The following KDM2A variants were observed in gnomAD, a reference collection of about 807,000 sequenced individuals.
KDM2A encodes the protein lysine demethylase 2A.
KDM2A carries 3 observed loss-of-function variants against 137.3 expected under a neutral mutation model. That is an observed-to-expected ratio of 0.02 (90% CI 0.01 to 0.06). The LOEUF (loss-of-function observed/expected upper bound fraction) is 0.06. Ranked by LOEUF, KDM2A falls within the 10% of genes least tolerant of loss-of-function variation. The pLI is 1.00. For synonymous variants in KDM2A, 512 were observed against 541.5 expected (o/e 0.95, Z 0.76); for missense variants, 738 against 1,510.6 (o/e 0.49, Z 8.48).
At chr11:67,145,530 G>A (rs189702700) in intron 2 of KDM2A, among the ~76,000 whole-genome samples, 21 of 151,682 alleles carry the variant, frequency 1.4e-4, no homozygotes, top group Non-Finnish European at 2.4e-4. Flanking sequence ...CCCTTTGAGG[G>A]GGAATATGGT....
chr11:67,159,423 A>G (rs181607393), intron 2 of KDM2A, among the ~76,000 whole-genome samples: 8 of 152,314 alleles, frequency 5.3e-5, no homozygotes, highest in African/African-American at 1.9e-4. Context: ...AAGCTACATT[A>G]TTTGTAAACT....
chr11:67,255,527 G>A lies in KDM2A; in HGVS notation c.*472G>A, dbSNP rs757962134. Reference sequence around the variant, plus strand: ...CGTCTCTCCTCCATCACACTCTCCCGGCTTGCGCAGGAGGGGCCAGCAGCC... The same window carrying A: ...CGTCTCTCCTCCATCACACTCTCCCAGCTTGCGCAGGAGGGGCCAGCAGCC... On this transcript the variant is annotated 3_prime_UTR_variant, in exon 21 of 21. Coordinates refer to ENST00000529006, the MANE Select transcript of KDM2A (RefSeq NM_012308.3). 2.2e-5 allele frequency: 10 copies of A among 456,852 alleles called. No homozygotes were observed. The highest frequency in any genetic ancestry group is 7.0e-5 in the Admixed American group (3 of 42,574). The allele number at this position is 456,852 out of a possible 1,614,324, so 28.3% of individuals were successfully genotyped here.
intron 9 of KDM2A, among the ~76,000 whole-genome samples, chr11:67,218,405 T>G (rs1221583257): frequency 6.6e-6 from 1 of 152,222 alleles, no homozygotes; most frequent in Non-Finnish European, 1.5e-5. Flanking sequence ...TGTCTCATTT[T>G]GTTATAAGGA....
At chr11:67,204,355 TCTC>T in intron 5 of KDM2A, among the ~76,000 whole-genome samples, 1 of 152,268 alleles carries the variant, frequency 6.6e-6, no homozygotes, top group East Asian at 1.9e-4. Context: ...TTCTCCGTTT[TCTC>T]CTCCACTTAA....
chr11:67,142,747 G>A (rs1182274238), intron 2 of KDM2A, among the ~76,000 whole-genome samples: 2 of 151,850 alleles, frequency 1.3e-5, no homozygotes, highest in East Asian at 1.9e-4. Context: ...GCTCAATTAT[G>A]TATTTGTTTT....
chr11:67,245,577 T>C lies in KDM2A; in HGVS notation c.1833+119T>C, dbSNP rs1859179785. On this transcript the variant is annotated intron_variant, in intron 14 of 20. Transcript: ENST00000529006. The surrounding 1 kb of genome is among the most constrained non-coding windows in gnomAD (Gnocchi z 4.1). The stretch of plus-strand genomic sequence containing the variant: ...TTGGAAAGAAAAGGTTTATACTCTC[T>C]TTTTGGCTTTATTTTGTACCTTTTT... 2.6e-6 allele frequency: 3 copies of C among 1,134,128 alleles called. No homozygotes were observed. The Admixed American group carries it at 8.3e-5, about 31-fold the overall frequency. The allele number at this position is 1,134,128 out of a possible 1,614,324, so 70.3% of individuals were successfully genotyped here.
At chr11:67,239,864 A>G (rs1305806896) in intron 12 of KDM2A, among the ~76,000 whole-genome samples, 1 of 152,122 alleles carries the variant, frequency 6.6e-6, no homozygotes, top group Non-Finnish European at 1.5e-5. Context: ...CTCCTATTGC[A>G]GTGGTGGTGG....
Position 67,255,216 on chromosome 11 carries a change from G to C in KDM2A, c.*161G>C, listed in dbSNP as rs778165672. ...CCTCTACAGGTGGGGCAGAGAGGGT[G>C]GTGGACACCAGGCTTATCTGCCTGC... On this transcript the variant is annotated 3_prime_UTR_variant, in exon 21 of 21. Coordinates refer to ENST00000529006, the MANE Select transcript of KDM2A (RefSeq NM_012308.3). The C allele has an allele frequency of 1.6e-6, 1 of 644,686 alleles. No homozygotes were observed. The highest frequency in any genetic ancestry group is 2.7e-6 in the Non-Finnish European group (1 of 374,410). The allele number at this position is 644,686 out of a possible 1,614,324, so 39.9% of individuals were successfully genotyped here. A position where few individuals can be genotyped will look rare whatever the true frequency, so the allele number is the denominator to read the frequency against.
intron 5 of KDM2A, among the ~76,000 whole-genome samples, chr11:67,205,865 T>C (rs1857790916): frequency 6.6e-6 from 1 of 152,158 alleles, no homozygotes; most frequent in African/African-American, 2.4e-5. Context: ...ATTTTACCTC[T>C]GCATGGAATT....
chr11:67,169,762 T>C (rs1339438583), intron 2 of KDM2A, among the ~76,000 whole-genome samples: 6 of 141,828 alleles, frequency 4.2e-5, no homozygotes, highest in Middle Eastern at 3.5e-3. Flanking sequence ...TCTCTCTCTT[T>C]TTTTTTTTTT....
At chr11:67,208,944 T>A (rs1047692121) in intron 6 of KDM2A, among the ~76,000 whole-genome samples, 8 of 151,900 alleles carry the variant, frequency 5.3e-5, no homozygotes, top group South Asian at 2.1e-4. Flanking sequence ...ATTTATTATT[T>A]TTTTTTTGAG....
In KDM2A at chr11:67,256,030, C is replaced by T. The variant is rs1859598039; in HGVS notation, c.*975C>T. On this transcript the variant is annotated 3_prime_UTR_variant, in exon 21 of 21. Transcript: ENST00000529006. ...GCCTCCCAGCCAGGCTCCTCCAGGC[C>T]TCTGGTTTAGCGGAGCCCCCTGAGC... 5.8e-6 allele frequency: 1 copy of T among 173,482 alleles called. No homozygotes were observed. Among genetic ancestry groups the T allele is most frequent in the African/African-American group, 2.4e-5 (1 of 41,778 alleles). The allele number at this position is 173,482 out of a possible 1,614,324, so 10.7% of individuals were successfully genotyped here.
At position 67,250,175 on chromosome 11, in the gene KDM2A, G is replaced by A. The variant is rs566264729; in HGVS notation, c.2145G>A (p.Pro715=). The A allele has an allele frequency of 3.1e-6, 5 of 1,613,680 alleles. No individual in the cohort carries two copies. Among genetic ancestry groups the A allele is most frequent in the Middle Eastern group, 1.6e-4 (1 of 6,084 alleles). The change falls in exon 17 of 21, where the codon CCG becomes CCA. Residue 715 remains proline (P), a synonymous_variant. Coordinates refer to ENST00000529006, the MANE Select transcript of KDM2A (RefSeq NM_012308.3). This position sits in a 1 kb window ranked among gnomAD's most constrained non-coding sequence, Gnocchi z 7.1. ...GCTGCGATGAGCCTCTCACGCCCCCGCCTCATTCACCCACTTCCATGCTGC... is the reference window on the plus strand; with the variant it reads ...GCTGCGATGAGCCTCTCACGCCCCCACCTCATTCACCCACTTCCATGCTGC... ...LRSCDEPLTP[P]PHSPTSMLQL...
chr11:67,156,298 G>A (rs1856513633), intron 2 of KDM2A, among the ~76,000 whole-genome samples: 1 of 150,526 alleles, frequency 6.6e-6, no homozygotes, highest in South Asian at 2.1e-4. Context: ...ACATATGAAA[G>A]TATTGGCTGG....
At chr11:67,212,699 A>G (rs548949422) in intron 6 of KDM2A, among the ~76,000 whole-genome samples, 19 of 152,268 alleles carry the variant, frequency 1.2e-4, no homozygotes, top group African/African-American at 3.4e-4. Context: ...AAGATACCTA[A>G]TAATACCAAA....
chr11:67,175,422 ACT>A (rs767564435), intron 2 of KDM2A, among the ~76,000 whole-genome samples: 3 of 151,912 alleles, frequency 2.0e-5, no homozygotes, highest in Non-Finnish European at 4.4e-5. Flanking sequence ...GATGACAGAG[ACT>A]CTGTCTCCGA....
Position 67,180,066 on chromosome 11 carries a change from C to T in KDM2A, c.43-13C>T, listed in dbSNP as rs1236380818. On this transcript the variant is annotated splice_polypyrimidine_tract_variant and intron_variant, in intron 2 of 20. Transcript: ENST00000529006. ...AGTGCATGATTTCATCAGTATGTTC[C>T]TTTCTTTCCTAGCGTGGTACCATGC... 6.2e-7 allele frequency: 1 copy of T among 1,607,816 alleles called. No individual in the cohort carries two copies. Among genetic ancestry groups the T allele is most frequent in the African/African-American group, 1.3e-5 (1 of 74,502 alleles).
At chr11:67,137,820 G>C (rs1169753927) in intron 2 of KDM2A, among the ~76,000 whole-genome samples, 2 of 152,016 alleles carry the variant, frequency 1.3e-5, no homozygotes, top group Non-Finnish European at 2.9e-5. Context: ...TTTTTGAGAA[G>C]GGGTCTCAGC....
At chr11:67,244,446 G>A (rs1316113355) in intron 13 of KDM2A, among the ~76,000 whole-genome samples, 1 of 152,140 alleles carries the variant, frequency 6.6e-6, no homozygotes, top group Non-Finnish European at 1.5e-5. Flanking sequence ...AATCTGAGAA[G>A]TCAGGATGAG....
Sources: allele counts gnomAD v4.1 joint callset (sites outside exome capture counted in the v4.1 genomes callset), GRCh38; gene constraint gnomAD v4.1.1; non-coding constraint Gnocchi (gnomAD v3.1); transcripts MANE v1.5; gene names NCBI Gene and HGNC (gene_info 2026-07-23, HGNC 2026-07-21).